PPP2R3B: variants seen among roughly 807,000 people sequenced by gnomAD.
PPP2R3B encodes the protein protein phosphatase 2 regulatory subunit B''beta, also known as serine/threonine-protein phosphatase 2A regulatory subunit B'' subunit beta.
PPP2R3B carries 68 observed loss-of-function variants against 72.9 expected under a neutral mutation model. The ratio of observed to expected loss-of-function variants is 0.93; its 90% CI spans 0.77 to 1.14. PPP2R3B has a LOEUF of 1.14. PPP2R3B is among the 50% of genes most tolerant of loss of function. The probability of loss-of-function intolerance (pLI) is 0.00; values close to 1 mark genes in which losing one functional copy is unlikely to be tolerated. For missense variants in PPP2R3B, 1,018 were observed against 842.0 expected, an observed-to-expected ratio of 1.21 and a Z score of -2.59; for synonymous variants, 466 against 375.8, an observed-to-expected ratio of 1.24 and a Z score of -2.78.
At chrX:358,200 G>A (rs1440463021) in intron 2 of PPP2R3B, among the ~76,000 whole-genome samples, 2 of 152,204 alleles carry the variant, frequency 1.3e-5, no homozygotes, top group Admixed American at 1.3e-4. Flanking sequence ...CGATGGAGAC[G>A]TGGACGGACA....
At chrX:363,708 T>TGAGCCCACGATCCCACAGTGCATCTC (rs2071614024) in intron 1 of PPP2R3B, among the ~76,000 whole-genome samples, 3 of 32,096 alleles carry the variant, frequency 9.3e-5, no homozygotes, top group African/African-American at 3.3e-4. Context: ...CAGTGCATCT[T>TGAGCCCACGATCCCACAGTGCATCTC]CCCGAGCCCA....
At position 334,218 on chromosome X, in the gene PPP2R3B, A is replaced by G. The variant is rs1314923835; in HGVS notation, c.*149T>C. 1.0e-6 allele frequency: 1 copy of G among 985,940 alleles called. No individual in the cohort carries two copies. Among genetic ancestry groups the G allele is most frequent in the Non-Finnish European group, 1.4e-6 (1 of 731,446 alleles). 61.1% of individuals were successfully genotyped at this position (985,940 alleles called of 1,614,324 possible). On this transcript the variant is annotated 3_prime_UTR_variant, in exon 13 of 13. Transcript: ENST00000390665. ...TGGGCAGGTCCAGCCACGAACCCAC[A>G]GCGGCAATCAACACGCTTCTGTGAA...
In PPP2R3B at chrX:345,523, A is replaced by G; in HGVS notation, c.1029T>C (p.Asn343=). The change falls in exon 7 of 13, where the codon AAT becomes AAC. Residue 343 remains asparagine (N), a synonymous_variant. Coordinates refer to ENST00000390665, the MANE Select transcript of PPP2R3B (RefSeq NM_013239.5). ...CCCTGTGCCCCCACGCACCGTGGTC[A>G]TTGTGCCGCGCCAGGTCGTCCGCGT... is the stretch of plus-strand genomic sequence containing the variant. The part of the protein sequence containing the change: ...LIDADDLARH[N]DHALSTKMID... The G allele has an allele frequency of 6.2e-7, 1 of 1,612,688 alleles. No individual in the cohort carries two copies. The highest frequency in any genetic ancestry group is 8.5e-7 in the Non-Finnish European group (1 of 1,179,394).
At chrX:356,514 GC>G (rs1345041818) in intron 2 of PPP2R3B, among the ~76,000 whole-genome samples, 3 of 152,102 alleles carry the variant, frequency 2.0e-5, no homozygotes, top group African/African-American at 7.2e-5. Context: ...CCACTCCTGG[GC>G]CCTGGAAGCA....
chrX:349,970 T>A (rs2071294420), intron 2 of PPP2R3B, among the ~76,000 whole-genome samples: 1 of 152,122 alleles, frequency 6.6e-6, no homozygotes, highest in African/African-American at 2.4e-5. Flanking sequence ...CCCATCCACA[T>A]GCACCGAGGG....
intron 2 of PPP2R3B, among the ~76,000 whole-genome samples, chrX:348,581 A>AAAAAAAAGAG (rs111787156): frequency 6.2e-5 from 9 of 144,380 alleles, no homozygotes; most frequent in Non-Finnish European, 7.5e-5. Context: ...GTCTCAAAAA[A>AAAAAAAAGAG]AGAGCAAATA....
intron 1 of PPP2R3B, among the ~76,000 whole-genome samples, chrX:370,332 G>C (rs1243534957): frequency 6.6e-6 from 1 of 152,178 alleles, no homozygotes; most frequent in Non-Finnish European, 1.5e-5. Flanking sequence ...CGAGCAACCG[G>C]GCCTCAACGG....
intron 1 of PPP2R3B, among the ~76,000 whole-genome samples, chrX:369,774 G>A (rs1181010447): frequency 6.6e-6 from 1 of 152,234 alleles, no homozygotes; most frequent in Non-Finnish European, 1.5e-5. Context: ...CAGAGGAGGT[G>A]CCGGAGCAGC....
At chrX:373,746 C>G (rs911782657) in intron 1 of PPP2R3B, 2 of 148,460 alleles carry the variant, frequency 1.3e-5, no homozygotes, top group African/African-American at 4.9e-5. Context: ...GCGCTGCAGG[C>G]GTGGCCCGGG....
At chrX:368,194 G>T (rs1457349193) in intron 1 of PPP2R3B, among the ~76,000 whole-genome samples, 2 of 143,882 alleles carry the variant, frequency 1.4e-5, no homozygotes, top group East Asian at 2.1e-4. Flanking sequence ...CTGACGGGGG[G>T]AAGGCCGGGA....
At position 338,766 on chromosome X, in the gene PPP2R3B, C is replaced by T. The variant is rs2738374; in HGVS notation, c.1470+12G>A. 0.43 allele frequency: 686,947 copies of T among 1,611,450 alleles called. 150,195 individuals are homozygous for T. Among genetic ancestry groups the T allele is most frequent in the South Asian group, 0.49 (44,966 of 91,062 alleles). On this transcript the variant is annotated intron_variant, in intron 11 of 12. Transcript: ENST00000390665. ...CGTGGCGCGGCCCGGCCCGCGTGCC[C>T]GCCGCACTCACCCTGAGCAGGGAGA...
In PPP2R3B at chrX:386,745, G is replaced by A; in HGVS notation, c.-54C>T. 1.7e-6 allele frequency: 2 copies of A among 1,157,858 alleles called. No individual in the cohort carries two copies. The highest frequency in any genetic ancestry group is 1.1e-6 in the Non-Finnish European group (1 of 934,016). The allele number at this position is 1,157,858 out of a possible 1,614,324, so 71.7% of individuals were successfully genotyped here. A position where few individuals can be genotyped will look rare whatever the true frequency, so the allele number is the denominator to read the frequency against. On this transcript the variant is annotated 5_prime_UTR_variant, in exon 1 of 13. Coordinates refer to ENST00000390665, the MANE Select transcript of PPP2R3B (RefSeq NM_013239.5). ...GACGCCCGCGCCCCGCCCCGCCCCG[G>A]GGGCTTCGGTCCGCCCCGGACCGAC... is the stretch of plus-strand genomic sequence containing the variant.
intron 3 of PPP2R3B, 91 bp downstream of exon 3, chrX:347,499 G>T: frequency 7.0e-7 from 1 of 1,420,178 alleles, no homozygotes; most frequent in Non-Finnish European, 9.8e-7. Flanking sequence ...TCTCACTGCG[G>T]CAGCCTCAGG....
intron 8 of PPP2R3B, 161 bp from the exon 9 acceptor site, chrX:341,557 G>A (rs2071077709): frequency 1.3e-6 from 1 of 763,038 alleles, no homozygotes; most frequent in Non-Finnish European, 2.2e-6. Flanking sequence ...GGAGGAGGTG[G>A]AGGCCCCGTG....
At position 364,532 on chromosome X, in the gene PPP2R3B, A is replaced by AC. The variant is rs1476103310; in HGVS notation, c.325-2943_325-2942insG. Reference sequence around the variant, plus strand: ...AAAAAAAAAAAAAACAAAAAAAAAAAAACAGAAAACAAAAAACAAAAAGAG... The same window carrying AC: ...AAAAAAAAAAAAAACAAAAAAAAAAACAACAGAAAACAAAAAACAAAAAGAG... On this transcript the variant is annotated intron_variant, in intron 1 of 12. Coordinates refer to ENST00000390665, the MANE Select transcript of PPP2R3B (RefSeq NM_013239.5). Among the ~76,000 whole-genome samples, 7 of 151,280 alleles carry AC rather than the reference A, an allele frequency of 4.6e-5. No individual in the cohort carries two copies. The East Asian group carries it at 1.2e-3, about 26-fold the overall frequency.
At chrX:375,171 C>T (rs1011654255) in intron 1 of PPP2R3B, among the ~76,000 whole-genome samples, 2 of 152,212 alleles carry the variant, frequency 1.3e-5, no homozygotes, top group African/African-American at 4.8e-5. Flanking sequence ...ATCCTTCTCA[C>T]TTCCTTACTG....
intron 2 of PPP2R3B, among the ~76,000 whole-genome samples, chrX:354,059 C>CG (rs2071388776): frequency 2.2e-5 from 3 of 137,006 alleles, no homozygotes; most frequent in Middle Eastern, 3.8e-3. Context: ...ACCCAAAGAC[C>CG]GGGGCTCGCC....
At chrX:354,810 C>A (rs1385973097) in intron 2 of PPP2R3B, among the ~76,000 whole-genome samples, 1 of 152,180 alleles carries the variant, frequency 6.6e-6, no homozygotes, top group Non-Finnish European at 1.5e-5. Flanking sequence ...TGAGATCATG[C>A]CACTGCACTC....
chrX:353,873 C>G (rs191330209), intron 2 of PPP2R3B, among the ~76,000 whole-genome samples: 1,633 of 85,980 alleles, frequency 0.019, 206 homozygotes, highest in East Asian at 0.096. Context: ...CACCCAAAGA[C>G]CAGGGCTCAC....
Sources: gnomAD v4.1 joint callset for allele counts (sites outside exome capture counted in the v4.1 genomes callset) on GRCh38, gnomAD v4.1.1 for gene constraint, MANE v1.5 for transcripts, NCBI Gene and HGNC (gene_info 2026-07-23, HGNC 2026-07-21) for gene names.